The following CCDC88A variants were observed in gnomAD, a reference collection of about 807,000 sequenced individuals.
CCDC88A encodes the protein girdin.
A neutral mutation model predicts 234.3 loss-of-function variants in CCDC88A; 54 were observed. The observed-to-expected ratio is 0.23, with a 90% CI of 0.19 to 0.29. The LOEUF (loss-of-function observed/expected upper bound fraction) is 0.29, where lower values mean the gene tolerates loss of function less well. Ranked by LOEUF, CCDC88A falls within the 10% of genes least tolerant of loss-of-function variation. The pLI, the probability that CCDC88A is intolerant of heterozygous loss-of-function variation, is 1.00. For synonymous variants in CCDC88A, 753 were observed against 737.8 expected (o/e 1.02, Z -0.33); for missense variants, 1,832 against 2,123.4 (o/e 0.86, Z 2.70).
At chr2:55,351,535 C>T (rs534940500) in intron 8 of CCDC88A, among the ~76,000 whole-genome samples, 66 of 152,118 alleles carry the variant, frequency 4.3e-4, no homozygotes, top group Non-Finnish European at 7.6e-4. Context: ...TTTGTAGAGA[C>T]GGGTCTCCCT....
chr2:55,380,963 T>C (rs867271481), intron 3 of CCDC88A, among the ~76,000 whole-genome samples: 1 of 152,188 alleles, frequency 6.6e-6, no homozygotes, highest in African/African-American at 2.4e-5. Flanking sequence ...TATTGATATA[T>C]AGGCATGTAC....
chr2:55,355,877 T>C (rs567977306), intron 7 of CCDC88A, 126 bp from the exon 8 acceptor site: 1 of 654,788 alleles, frequency 1.5e-6, no homozygotes, highest in African/African-American at 1.8e-5. Flanking sequence ...AAAAACATCT[T>C]AACTATCATA....
chr2:55,363,318 T>C (rs774255086), intron 6 of CCDC88A, among the ~76,000 whole-genome samples: 9 of 151,984 alleles, frequency 5.9e-5, no homozygotes, highest in Admixed American at 5.9e-4. Flanking sequence ...ATAAAAAATT[T>C]TCTTTTCCCT....
chr2:55,370,716 T>C (rs1672716163), intron 5 of CCDC88A, among the ~76,000 whole-genome samples: 6 of 148,824 alleles, frequency 4.0e-5, no homozygotes, highest in Admixed American at 3.4e-4. Context: ...CAGATAAATT[T>C]ACCCTTTGGG....
At position 55,308,754 on chromosome 2, in the gene CCDC88A, A is replaced by G. The variant is rs1681960530; in HGVS notation, c.4387+55T>C. 2.9e-6 allele frequency: 4 copies of G among 1,399,938 alleles called. No individual in the cohort carries two copies. In the East Asian group the frequency reaches 6.9e-5, roughly 24 times the overall value. The allele number at this position is 1,399,938 out of a possible 1,614,324, so 86.7% of individuals were successfully genotyped here. ...CCAAAGGACTACTGAAGTTTTAAAA[A>G]ATCTTTAGAAAGGATTCTAAATCAA... On this transcript the variant is annotated intron_variant, in intron 25 of 32. Transcript: ENST00000436346.
At chr2:55,393,516 C>T (rs1303020225) in intron 2 of CCDC88A, among the ~76,000 whole-genome samples, 1 of 151,668 alleles carries the variant, frequency 6.6e-6, no homozygotes, top group East Asian at 1.9e-4. Context: ...ATGATCTCAG[C>T]CTCTTGACCT....
At position 55,334,304 on chromosome 2, in the gene CCDC88A, C is replaced by T; in HGVS notation, c.2517G>A (p.Lys839=). 1 of 1,474,582 alleles carries T rather than the reference C, an allele frequency of 6.8e-7. No homozygotes were observed. Among genetic ancestry groups the T allele is most frequent in the African/African-American group, 1.4e-5 (1 of 69,966 alleles). 91.3% of individuals were successfully genotyped at this position (1,474,582 alleles called of 1,614,324 possible). The change falls in exon 15 of 33, where the codon AAG becomes AAA. Residue 839 remains lysine, a synonymous_variant. Coordinates refer to ENST00000436346, the MANE Select transcript of CCDC88A (RefSeq NM_001365480.1). The surrounding 1 kb of genome is among the most constrained non-coding windows in gnomAD (Gnocchi z 6.1). ...KDKKQLEKEN[K]RLRQQAEIKD... ...TAATTTCTGCTTGTTGTCGGAGTCT[C>T]TTATTTTCCTTCTCCAATTGTTTCT... is the stretch of plus-strand genomic sequence containing the variant.
At chr2:55,346,034 T>C (rs1409403254) in intron 10 of CCDC88A, 141 bp downstream of exon 10, 2 of 560,940 alleles carry the variant, frequency 3.6e-6, no homozygotes, top group Admixed American at 6.7e-5. Flanking sequence ...TATGCTAATC[T>C]ATCATAAAAT....
At chr2:55,300,138 A>G in intron 28 of CCDC88A, 2 of 484,412 alleles carry the variant, frequency 4.1e-6, no homozygotes, top group South Asian at 2.3e-5. Context: ...AGGAGGATAA[A>G]GTGCATATTT....
At chr2:55,313,570 T>A (rs1001237115) in intron 22 of CCDC88A, 9 of 152,158 alleles carry the variant, frequency 5.9e-5, no homozygotes, top group African/African-American at 2.2e-4. Flanking sequence ...CAAACAGAAG[T>A]TAGCAGAAGG....
chr2:55,413,538 T>A (rs1426700379), intron 2 of CCDC88A, among the ~76,000 whole-genome samples: 1 of 152,182 alleles, frequency 6.6e-6, no homozygotes. Flanking sequence ...TTCATTCCAC[T>A]TTACTACACA....
At chr2:55,394,342 T>C (rs552552852) in intron 2 of CCDC88A, 6 of 152,190 alleles carry the variant, frequency 3.9e-5, no homozygotes, top group East Asian at 1.9e-4. Flanking sequence ...TGTTGGACAT[T>C]TGGGTTGGTT....
intron 7 of CCDC88A, among the ~76,000 whole-genome samples, chr2:55,360,213 C>G (rs532399819): frequency 6.6e-6 from 1 of 151,908 alleles, no homozygotes; most frequent in South Asian, 2.1e-4. Context: ...ATTAAGAATA[C>G]GAAAGAGAAA....
chr2:55,414,286 A>T (rs372102106), intron 2 of CCDC88A, among the ~76,000 whole-genome samples: 2 of 152,258 alleles, frequency 1.3e-5, no homozygotes, highest in Non-Finnish European at 1.5e-5. Flanking sequence ...ATTCCTTAAA[A>T]ACTCACAGCA....
At chr2:55,301,701 A>C (rs1680919424) in intron 27 of CCDC88A, 171 bp downstream of exon 27, 1 of 623,956 alleles carries the variant, frequency 1.6e-6, no homozygotes, top group African/African-American at 1.8e-5. Context: ...AGTTATTTGT[A>C]TAACGTTTTA....
At chr2:55,387,779 C>CAAAAAAAAAAAAAAAAAAAACAAAAA (rs66479611) in intron 3 of CCDC88A, among the ~76,000 whole-genome samples, 1 of 64,852 alleles carries the variant, frequency 1.5e-5, no homozygotes, top group African/African-American at 5.5e-5. Flanking sequence ...GGCTCCATCT[C>CAAAAAAAAAAAAAAAAAAAACAAAAA]AAAAAAAAAA....
chr2:55,336,606 G>T, intron 14 of CCDC88A, 75 bp downstream of exon 14: 2 of 898,392 alleles, frequency 2.2e-6, no homozygotes, highest in Non-Finnish European at 3.3e-6. Flanking sequence ...TGAACATTTT[G>T]TTTGCATATA....
chr2:55,370,540 T>C (rs1574321886), intron 5 of CCDC88A, among the ~76,000 whole-genome samples: 2 of 149,592 alleles, frequency 1.3e-5, no homozygotes, highest in African/African-American at 2.5e-5. Flanking sequence ...ACTTGGTAGG[T>C]TGAGGCAGGA....
chr2:55,355,356 T>C (rs1670427853), intron 8 of CCDC88A: 2 of 428,734 alleles, frequency 4.7e-6, no homozygotes, highest in East Asian at 9.1e-5. Flanking sequence ...TTTAAAAAAA[T>C]ACATACTAGA....
Sources: gnomAD v4.1 joint callset for allele counts (sites outside exome capture counted in the v4.1 genomes callset) on GRCh38, gnomAD v4.1.1 for gene constraint, Gnocchi (gnomAD v3.1) non-coding constraint, MANE v1.5 for transcripts, NCBI Gene and HGNC (gene_info 2026-07-23, HGNC 2026-07-21) for gene names.